PPP1R21: variants seen among roughly 807,000 people sequenced by gnomAD.
PPP1R21 encodes the protein KLRAQ motif containing 1.
Under a neutral mutation model 112.8 loss-of-function variants are expected in PPP1R21, and 85 were observed. The observed-to-expected ratio is 0.75, with a 90% CI of 0.63 to 0.90. The LOEUF is 0.90. Among genes scored for constraint, PPP1R21 ranks in the 40% least tolerant of loss-of-function variants. PPP1R21 has a pLI of 0.00. For synonymous variants in PPP1R21, 381 were observed against 322.3 expected (o/e 1.18, Z -1.95); for missense variants, 1,199 against 901.5 (o/e 1.33, Z -4.23).
intron 19 of PPP1R21, 67 bp from the exon 20 acceptor site, chr2:48,509,948 T>C (rs1670556849): frequency 8.4e-7 from 1 of 1,197,328 alleles, no homozygotes; most frequent in Non-Finnish European, 1.2e-6. Context: ...TTTAACAAAC[T>C]TTCCCGAAGC....
intron 13 of PPP1R21, among the ~76,000 whole-genome samples, chr2:48,485,900 TACA>T (rs1669266614): frequency 1.4e-5 from 2 of 146,558 alleles, no homozygotes; most frequent in Admixed American, 6.9e-5. Context: ...AACTAATATA[TACA>T]ATTGTATATA....
chr2:48,477,962 T>C (rs965762768), intron 12 of PPP1R21, among the ~76,000 whole-genome samples: 2 of 152,152 alleles, frequency 1.3e-5, no homozygotes, highest in Admixed American at 6.6e-5. Flanking sequence ...GAGTCCTAAA[T>C]CCAATGAATG....
At chr2:48,476,215 G>A (rs1182143532) in intron 12 of PPP1R21, among the ~76,000 whole-genome samples, 1 of 152,116 alleles carries the variant, frequency 6.6e-6, no homozygotes, top group African/African-American at 2.4e-5. Flanking sequence ...ATGGTATGTG[G>A]TCTTTTCTGA....
At chr2:48,479,402 C>G in intron 12 of PPP1R21, 1 of 446,384 alleles carries the variant, frequency 2.2e-6, no homozygotes, top group South Asian at 1.6e-5. Flanking sequence ...TACAGATTTT[C>G]TTGAGTAAAT....
At position 48,440,980 on chromosome 2, in the gene PPP1R21, G is replaced by C. The variant is rs988167572; in HGVS notation, c.27G>C (p.Lys9Asn). 6.2e-7 allele frequency: 1 copy of C among 1,612,408 alleles called. No individual in the cohort carries two copies. The highest frequency in any genetic ancestry group is 1.3e-5 in the African/African-American group (1 of 75,014). MASAELQG[K>N]YQKLAQEYSK... ...TGGCCTCGGCTGAGTTGCAGGGGAA[G>C]TACCAGAAGCTGGCTCAGGAGTACT... The change falls in exon 1 of 22, where the codon AAG (lysine) becomes AAC (asparagine). Residue 9 changes from lysine (K) to asparagine (N), a missense_variant. By Grantham distance (94) the Lys-to-Asn change is moderately conservative (BLOSUM62 0). Transcript: ENST00000294952.
chr2:48,512,157 G>A (rs962463774), intron 21 of PPP1R21, among the ~76,000 whole-genome samples: 6 of 152,150 alleles, frequency 3.9e-5, no homozygotes, highest in African/African-American at 1.4e-4. Context: ...TCTCATAAAT[G>A]TTAATATAAC....
intron 9 of PPP1R21, among the ~76,000 whole-genome samples, chr2:48,468,222 C>T (rs1358779756): frequency 6.6e-6 from 1 of 152,178 alleles, no homozygotes; most frequent in Non-Finnish European, 1.5e-5. Flanking sequence ...TAAGATAATA[C>T]ATGTAAAGCA....
chr2:48,510,334 C>T (rs1283218317), intron 20 of PPP1R21, among the ~76,000 whole-genome samples: 1 of 152,204 alleles, frequency 6.6e-6, no homozygotes, highest in Non-Finnish European at 1.5e-5. Flanking sequence ...ATTTTATAGT[C>T]GGCTTTTGCT....
intron 13 of PPP1R21, among the ~76,000 whole-genome samples, chr2:48,482,030 G>A (rs1669036170): frequency 6.6e-6 from 1 of 152,196 alleles, no homozygotes; most frequent in Non-Finnish European, 1.5e-5. Context: ...ACCTTCTTAT[G>A]TATATGCGAA....
intron 1 of PPP1R21, 86 bp downstream of exon 1, chr2:48,441,096 C>CT: frequency 1.1e-6 from 1 of 940,180 alleles, no homozygotes; most frequent in East Asian, 2.7e-5. Context: ...CCTAGGGGTA[C>CT]TGCGGGAGGG....
At chr2:48,514,131 A>G (rs1356219754) in intron 21 of PPP1R21, among the ~76,000 whole-genome samples, 2 of 117,504 alleles carry the variant, frequency 1.7e-5, no homozygotes. Flanking sequence ...TCCCGGGTTC[A>G]TGCCATTCTC....
At chr2:48,459,021 G>A (rs1667852611) in intron 4 of PPP1R21, among the ~76,000 whole-genome samples, 1 of 151,076 alleles carries the variant, frequency 6.6e-6, no homozygotes, top group Non-Finnish European at 1.5e-5. Flanking sequence ...GAACCCGGGA[G>A]GCGGAGCTTG....
At position 48,514,809 on chromosome 2, in the gene PPP1R21, C is replaced by G; in HGVS notation, c.*65C>G. 1 of 1,560,970 alleles carries G rather than the reference C, an allele frequency of 6.4e-7. No homozygotes were observed. Among genetic ancestry groups the G allele is most frequent in the Non-Finnish European group, 8.8e-7 (1 of 1,137,080 alleles). On this transcript the variant is annotated 3_prime_UTR_variant, in exon 22 of 22. Coordinates refer to ENST00000294952, the MANE Select transcript of PPP1R21 (RefSeq NM_001135629.3). Reference sequence around the variant, plus strand: ...GCTCCTGCTGCACAGAGCCGCAGGGCTGAGACCACGTCCATGCTGGCTGCC... The same window carrying G: ...GCTCCTGCTGCACAGAGCCGCAGGGGTGAGACCACGTCCATGCTGGCTGCC...
chr2:48,441,086 C>A, intron 1 of PPP1R21, 76 bp downstream of exon 1: 1 of 1,027,984 alleles, frequency 9.7e-7, no homozygotes, highest in Non-Finnish European at 1.5e-6. Flanking sequence ...CTTGTCGGGA[C>A]CTAGGGGTAC....
chr2:48,476,318 A>G (rs1190021008), intron 12 of PPP1R21, among the ~76,000 whole-genome samples: 1 of 152,220 alleles, frequency 6.6e-6, no homozygotes, highest in Non-Finnish European at 1.5e-5. Flanking sequence ...ATTATATTTT[A>G]TGGATGTATC....
In PPP1R21 at chr2:48,444,393, A is replaced by G. The variant is rs147632088; in HGVS notation, c.57+3383A>G. On this transcript the variant is annotated intron_variant, in intron 1 of 21. Coordinates refer to ENST00000294952, the MANE Select transcript of PPP1R21 (RefSeq NM_001135629.3). ...TAATCAAGACCTCAGTTGCTACATT[A>G]TAGATTAAGGATGAAAGACCATTTC... is the stretch of plus-strand genomic sequence containing the variant. Among the ~76,000 whole-genome samples the G allele has an allele frequency of 5.6e-3, 858 of 152,328 alleles. 13 individuals carry two copies. The highest frequency in any genetic ancestry group is 0.02 in the African/African-American group (815 of 41,562).
Position 48,465,004 on chromosome 2 carries a change from A to T in PPP1R21, c.747+15A>T, listed in dbSNP as rs1269636140. On this transcript the variant is annotated intron_variant, in intron 8 of 21. Coordinates refer to ENST00000294952, the MANE Select transcript of PPP1R21 (RefSeq NM_001135629.3). ...GGAGACACCAGGTAAAGGATGAAGT[A>T]CATGTTTTTATTTTCAGTTATATAT... 6.4e-7 allele frequency: 1 copy of T among 1,554,168 alleles called. No homozygotes were observed. Among genetic ancestry groups the T allele is most frequent in the Admixed American group, 2.3e-5 (1 of 43,542 alleles).
rs745777290 is a variant in PPP1R21 at position 48,510,039 on chromosome 2, G to A, written c.2110G>A (p.Ala704Thr). The A allele has an allele frequency of 1.2e-6, 2 of 1,613,830 alleles. No individual in the cohort carries two copies. Among genetic ancestry groups the A allele is most frequent in the Non-Finnish European group, 1.7e-6 (2 of 1,179,762 alleles). The change falls in exon 20 of 22, where the codon GCC becomes ACC. Residue 704 changes from alanine (A) to threonine (T), a missense_variant. Physicochemically the swap from Ala to Thr is moderately conservative, Grantham distance 58. Transcript: ENST00000294952. ...AECRALSKRL[A>T]LAEKSKEALT... ...GTGCCGAGCACTGTCTAAAAGACTG[G>A]CCTTGGCTGAAAAGTCTAAGGAAGC...
Position 48,507,136 on chromosome 2 carries a change from G to T in PPP1R21, c.1969-133G>T, listed in dbSNP as rs1195136763. 11 of 1,280,352 alleles carry T rather than the reference G, an allele frequency of 8.6e-6. No homozygotes were observed. The East Asian group carries it at 1.8e-4, about 21-fold the overall frequency. 79.3% of individuals were successfully genotyped at this position (1,280,352 alleles called of 1,614,324 possible). A position where few individuals can be genotyped will look rare whatever the true frequency, so the allele number is the denominator to read the frequency against. On this transcript the variant is annotated intron_variant, in intron 18 of 21. Coordinates refer to ENST00000294952, the MANE Select transcript of PPP1R21 (RefSeq NM_001135629.3). Reference sequence around the variant, plus strand: ...GCTATGTCTGAAGTTTCTTCGAGGGGGTAGGAAAACAGTGATTCCCCATCA... The same window carrying T: ...GCTATGTCTGAAGTTTCTTCGAGGGTGTAGGAAAACAGTGATTCCCCATCA...
Sources: allele counts gnomAD v4.1 joint callset (sites outside exome capture counted in the v4.1 genomes callset), GRCh38; gene constraint gnomAD v4.1.1; transcripts MANE v1.5; gene names NCBI Gene and HGNC (gene_info 2026-07-23, HGNC 2026-07-21).